Variants in MTNAP1 observed in about 807,000 individuals in gnomAD.
MTNAP1 encodes the protein mitochondrial nucleoid-associated protein 1.
chr17:73,236,147 A>G, the MTNAP1 span: 22 of 1,614,194 alleles, frequency 1.4e-5, no homozygotes, highest in Non-Finnish European at 1.7e-5. Context: ...AAATTACTAG[A>G]TGTGCCTACT....
At chr17:73,243,358 G>A in the MTNAP1 span, among the ~76,000 whole-genome samples, 5 of 151,662 alleles carry the variant, frequency 3.3e-5, no homozygotes, top group East Asian at 9.7e-4. Context: ...TTCTCCATGT[G>A]GGTCAGGCTG....
chr17:73,247,198 A>G, the MTNAP1 span: 3 of 1,571,044 alleles, frequency 1.9e-6, no homozygotes, highest in Non-Finnish European at 1.8e-6. Flanking sequence ...CAGAAACCAT[A>G]TGCCCTGAAA....
chr17:73,246,126 A>G, the MTNAP1 span, among the ~76,000 whole-genome samples: 1 of 152,100 alleles, frequency 6.6e-6, no homozygotes, highest in African/African-American at 2.4e-5. Context: ...CTCCTTTCTA[A>G]CGTAGAGGGT....
the MTNAP1 span, among the ~76,000 whole-genome samples, chr17:73,246,296 G>A: frequency 2.5e-3 from 381 of 152,262 alleles, 2 homozygotes; most frequent in African/African-American, 8.4e-3. Flanking sequence ...CACTTTGGTA[G>A]GCCAAGGCGG....
At chr17:73,240,015 T>C in the MTNAP1 span, among the ~76,000 whole-genome samples, 80,555 of 151,990 alleles carry the variant, frequency 0.53, 21,410 homozygotes, top group East Asian at 0.64. Flanking sequence ...AAGCCTCAAG[T>C]AGAGTTTAAA....
the MTNAP1 span, among the ~76,000 whole-genome samples, chr17:73,238,383 A>G: frequency 2.6e-5 from 4 of 152,328 alleles, no homozygotes; most frequent in South Asian, 8.3e-4. Flanking sequence ...TTGCAAGAGA[A>G]AAACTGGTAT....
chr17:73,237,139 G>A, the MTNAP1 span: 3 of 918,826 alleles, frequency 3.3e-6, no homozygotes, highest in South Asian at 4.0e-5. Flanking sequence ...ATATAAAGTT[G>A]TCCTGAAAGA....
At chr17:73,244,287 G>C in the MTNAP1 span, among the ~76,000 whole-genome samples, 4 of 152,184 alleles carry the variant, frequency 2.6e-5, no homozygotes, top group African/African-American at 9.6e-5. Context: ...TTGGGGCCGG[G>C]CGCGGTGGCT....
chr17:73,246,856 C>T, the MTNAP1 span, among the ~76,000 whole-genome samples: 53 of 152,286 alleles, frequency 3.5e-4, no homozygotes, highest in African/African-American at 1.3e-3. Flanking sequence ...ACAATCTTCC[C>T]TGCCGAAAGA....
At chr17:73,236,724 G>C in the MTNAP1 span, 2 of 1,614,166 alleles carry the variant, frequency 1.2e-6, no homozygotes, top group South Asian at 2.2e-5. Context: ...TATCTCTGGA[G>C]CCCAAATCTG....
the MTNAP1 span, chr17:73,248,854 A>G: frequency 1.3e-5 from 4 of 301,484 alleles, no homozygotes; most frequent in Non-Finnish European, 2.5e-5. Context: ...TTTAGCTGTT[A>G]AAAATAAAAT....
the MTNAP1 span, among the ~76,000 whole-genome samples, chr17:73,238,650 C>G: frequency 1.3e-5 from 2 of 152,136 alleles, no homozygotes; most frequent in Admixed American, 1.3e-4. Flanking sequence ...ATTTGTGTTG[C>G]TTTGTGGTTT....
chr17:73,235,619 C>T, the MTNAP1 span: 1 of 1,614,124 alleles, frequency 6.2e-7, no homozygotes, highest in Non-Finnish European at 8.5e-7. Flanking sequence ...CAGTCCAAGC[C>T]AGCTACACTC....
At chr17:73,240,109 C>G in the MTNAP1 span, among the ~76,000 whole-genome samples, 1 of 152,158 alleles carries the variant, frequency 6.6e-6, no homozygotes, top group African/African-American at 2.4e-5. Flanking sequence ...TAATAAGATA[C>G]AGTAACTTAA....
chr17:73,236,548 T>C, the MTNAP1 span: 853,309 of 1,613,812 alleles, frequency 0.53, 226,829 homozygotes, highest in East Asian at 0.63. Flanking sequence ...TTTAAGTTTG[T>C]TCATTCCGAG....
chr17:73,242,170 C>A, the MTNAP1 span: 2 of 954,394 alleles, frequency 2.1e-6, no homozygotes, highest in South Asian at 1.6e-5. Context: ...AGCCGTGGAT[C>A]CTTCGGCACT....
At chr17:73,237,700 TACAAGAAATAGGTTCTAAGTTTACAGG>T in the MTNAP1 span, among the ~76,000 whole-genome samples, 3,978 of 152,268 alleles carry the variant, frequency 0.026, 191 homozygotes, top group African/African-American at 0.091. Context: ...GACCAGGTTG[TACAAGAAATAGGTTCTAAGTTTACAGG>T]ACAAGAAATA....
chr17:73,248,896 T>C, the MTNAP1 span: 1 of 208,430 alleles, frequency 4.8e-6, no homozygotes, highest in Non-Finnish European at 9.7e-6. Context: ...TTTTATACTT[T>C]ATGGGGCATC....
chr17:73,237,464 ACTT>A, the MTNAP1 span, among the ~76,000 whole-genome samples: 1 of 152,024 alleles, frequency 6.6e-6, no homozygotes, highest in African/African-American at 2.4e-5. Flanking sequence ...TGAAAACATT[ACTT>A]CTTGCTTCAG....
Sources: gnomAD v4.1 joint callset for allele counts (sites outside exome capture counted in the v4.1 genomes callset) on GRCh38, gnomAD v4.1.1 for gene constraint, MANE v1.5 for transcripts, NCBI Gene and HGNC (gene_info 2026-07-23, HGNC 2026-07-21) for gene names.